Variants in SIPA1L3 observed in about 807,000 individuals in gnomAD.
The protein encoded by SIPA1L3 is signal induced proliferation associated 1 like 3.
SIPA1L3 carries 59 observed loss-of-function variants against 150.1 expected under a neutral mutation model. The ratio of observed to expected loss-of-function variants is 0.39; its 90% CI spans 0.32 to 0.49. The LOEUF is 0.49. Ranked by LOEUF, SIPA1L3 falls within the 20% of genes least tolerant of loss-of-function variation. The pLI, the probability that SIPA1L3 is intolerant of heterozygous loss-of-function variation, is 0.86. For synonymous variants in SIPA1L3, 1,070 were observed against 1,077.6 expected (o/e 0.99, Z 0.14); for missense variants, 2,211 against 2,489.5 (o/e 0.89, Z 2.38).
Position 38,082,669 on chromosome 19 carries a change from C to T in SIPA1L3, c.1104C>T (p.Thr368=), listed in dbSNP as rs140557469. 4 of 1,608,404 alleles carry T rather than the reference C, an allele frequency of 2.5e-6. No homozygotes were observed. The highest frequency in any genetic ancestry group is 3.4e-6 in the Non-Finnish European group (4 of 1,179,416). The change falls in exon 3 of 22, where the codon ACC becomes ACT. Residue 368 remains threonine (T), a synonymous_variant. Coordinates refer to ENST00000222345, the MANE Select transcript of SIPA1L3 (RefSeq NM_015073.3). ...TGTCGGTGTCGCAGCGGCGGAACAC[C>T]ACCACGGGTGCTTCGGCCGCTTCCG... The part of the protein sequence containing the change: ...NRVSVSQRRN[T]TTGASAASAA...
intron 2 of SIPA1L3, among the ~76,000 whole-genome samples, chr19:38,053,153 A>C (rs1022178323): frequency 6.6e-6 from 1 of 152,196 alleles, no homozygotes; most frequent in African/African-American, 2.4e-5. Context: ...AGGGGAGCCC[A>C]GGGGAGATGG....
intron 1 of SIPA1L3, among the ~76,000 whole-genome samples, chr19:38,003,760 G>C (rs1279894611): frequency 6.6e-6 from 1 of 152,172 alleles, no homozygotes; most frequent in African/African-American, 2.4e-5. Context: ...TCTCGGGACT[G>C]TGCCAGCGTG....
intron 1 of SIPA1L3, among the ~76,000 whole-genome samples, chr19:37,918,193 G>A (rs2046428560): frequency 6.6e-6 from 1 of 151,962 alleles, no homozygotes; most frequent in South Asian, 2.1e-4. Context: ...GGTGAGCAGG[G>A]GGACTAAGGA....
At chr19:38,089,344 A>AG (rs1970211822) in intron 4 of SIPA1L3, among the ~76,000 whole-genome samples, 1 of 151,848 alleles carries the variant, frequency 6.6e-6, no homozygotes, top group African/African-American at 2.4e-5. Context: ...AAAAAAAAAA[A>AG]AAAGAAAAAA....
chr19:38,081,883 T>C lies in SIPA1L3; in HGVS notation c.318T>C (p.Asp106=), dbSNP rs745329520. ...ACCCAAGCCCCTCCCAGGACACAGA[T>C]GGCACAAAGGCCACCAAGATGGCCC... ...HSNPSPSQDT[D]GTKATKMAHS... The change falls in exon 3 of 22, where the codon GAT becomes GAC. Residue 106 remains aspartate, a synonymous_variant. Coordinates refer to ENST00000222345, the MANE Select transcript of SIPA1L3 (RefSeq NM_015073.3). 57 of 1,613,974 alleles carry C rather than the reference T, an allele frequency of 3.5e-5. No individual in the cohort carries two copies. Among genetic ancestry groups the C allele is most frequent in the Non-Finnish European group, 4.6e-5 (54 of 1,179,996 alleles).
chr19:37,966,849 G>T (rs1483598320), intron 1 of SIPA1L3, among the ~76,000 whole-genome samples: 1 of 152,108 alleles, frequency 6.6e-6, no homozygotes, highest in Non-Finnish European at 1.5e-5. Context: ...AGCAGCTCCC[G>T]CGAGGGCAGA....
intron 1 of SIPA1L3, among the ~76,000 whole-genome samples, chr19:37,937,885 A>C (rs1352762500): frequency 6.6e-6 from 1 of 151,594 alleles, no homozygotes; most frequent in Non-Finnish European, 1.5e-5. Context: ...TCTCTACTAA[A>C]AATACAAAAA....
intron 2 of SIPA1L3, among the ~76,000 whole-genome samples, chr19:38,076,195 T>C (rs1969834280): frequency 6.6e-6 from 1 of 151,788 alleles, no homozygotes; most frequent in Non-Finnish European, 1.5e-5. Context: ...AAATAAAATG[T>C]TAGGTATGTC....
rs138338893 is a variant in SIPA1L3, at chr19:38,018,846, C to T, written c.-378-10243C>T. Reference sequence around the variant, plus strand: ...TTTGTGAGGGCAGGTACATTTTGTTCACCGTACCTAGCATCCTACCCCACA... The same window carrying T: ...TTTGTGAGGGCAGGTACATTTTGTTTACCGTACCTAGCATCCTACCCCACA... On this transcript the variant is annotated intron_variant, in intron 1 of 21. Coordinates refer to ENST00000222345, the MANE Select transcript of SIPA1L3 (RefSeq NM_015073.3). Among the ~76,000 whole-genome samples the T allele has an allele frequency of 7.9e-3, 1,209 of 152,232 alleles. 12 individuals are homozygous for T. The highest frequency in any genetic ancestry group is 9.8e-3 in the Non-Finnish European group (669 of 68,012).
chr19:38,192,758 C>A (rs1312209228), intron 17 of SIPA1L3, among the ~76,000 whole-genome samples: 3 of 152,182 alleles, frequency 2.0e-5, no homozygotes, highest in African/African-American at 7.2e-5. Flanking sequence ...CTTCCCCTCC[C>A]AGCCAGGCCT....
chr19:38,169,977 G>GT (rs1277724309), intron 15 of SIPA1L3, among the ~76,000 whole-genome samples: 2 of 151,776 alleles, frequency 1.3e-5, no homozygotes, highest in African/African-American at 4.8e-5. Context: ...AGGTAGAGGG[G>GT]CCAGGGTAAG....
In SIPA1L3 at chr19:38,081,739, C is replaced by G; in HGVS notation, c.174C>G (p.Thr58=). 1 of 1,594,672 alleles carries G rather than the reference C, an allele frequency of 6.3e-7. No homozygotes were observed. The highest frequency in any genetic ancestry group is 8.5e-7 in the Non-Finnish European group (1 of 1,172,648). The part of the protein sequence containing the change: ...QPLGESPATA[T]ATATATTRPS... ...TTGGCGAGAGCCCGGCCACCGCCAC[C>G]GCCACCGCCACCGCCACCACCCGCC... is the stretch of plus-strand genomic sequence containing the variant. Residue 58 remains threonine, a synonymous_variant, in exon 3 of 22, where the codon ACC becomes ACG. Transcript: ENST00000222345.
intron 1 of SIPA1L3, among the ~76,000 whole-genome samples, chr19:38,009,645 G>C (rs1968051764): frequency 6.6e-6 from 1 of 152,054 alleles, no homozygotes; most frequent in Non-Finnish European, 1.5e-5. Flanking sequence ...CCATGTTACT[G>C]ATGAGGAGGC....
intron 7 of SIPA1L3, among the ~76,000 whole-genome samples, chr19:38,109,106 G>A (rs571969489): frequency 6.6e-6 from 1 of 152,282 alleles, no homozygotes; most frequent in East Asian, 1.9e-4. Context: ...GACCAGCAGG[G>A]GAGAGGTGTA....
In SIPA1L3 at chr19:38,082,873, C is replaced by T. The variant is rs1435620078; in HGVS notation, c.1308C>T (p.Gly436=). 2 of 1,613,404 alleles carry T rather than the reference C, an allele frequency of 1.2e-6. No individual in the cohort carries two copies. Among genetic ancestry groups the T allele is most frequent in the East Asian group, 2.2e-5 (1 of 44,872 alleles). ...CGCACTTCCGCAATGAGATCGGGGG[C>T]GAGTGTGAGCGCAACGTGAGCTTCT... The part of the protein sequence containing the change: ...SCPHFRNEIG[G]ECERNVSFSR... Residue 436 remains glycine, a synonymous_variant, in exon 3 of 22, where the codon GGC becomes GGT. Coordinates refer to ENST00000222345, the MANE Select transcript of SIPA1L3 (RefSeq NM_015073.3).
At chr19:38,106,810 G>A (rs1189953022) in intron 7 of SIPA1L3, among the ~76,000 whole-genome samples, 170 bp downstream of exon 7, 1 of 152,232 alleles carries the variant, frequency 6.6e-6, no homozygotes, top group East Asian at 1.9e-4. Flanking sequence ...TGTGGTTCGA[G>A]ATGTCACTTT....
At chr19:38,170,343 C>G (rs547203550) in intron 15 of SIPA1L3, among the ~76,000 whole-genome samples, 2 of 152,228 alleles carry the variant, frequency 1.3e-5, no homozygotes, top group Admixed American at 1.3e-4. Flanking sequence ...AGTGGCCACA[C>G]GTGCCTCTGC....
intron 2 of SIPA1L3, among the ~76,000 whole-genome samples, chr19:38,063,710 C>T (rs895412269): frequency 6.6e-6 from 1 of 152,284 alleles, no homozygotes; most frequent in South Asian, 2.1e-4. Context: ...CAGTGGCCCA[C>T]GGGAGCAGGC....
intron 15 of SIPA1L3, among the ~76,000 whole-genome samples, chr19:38,174,281 C>T (rs572261469): frequency 2.0e-5 from 3 of 152,304 alleles, no homozygotes; most frequent in African/African-American, 4.8e-5. Context: ...TGGCTGCTTA[C>T]GGCTCCTACA....
Sources: gnomAD v4.1 joint callset for allele counts (sites outside exome capture counted in the v4.1 genomes callset) on GRCh38, gnomAD v4.1.1 for gene constraint, MANE v1.5 for transcripts, NCBI Gene and HGNC (gene_info 2026-07-23, HGNC 2026-07-21) for gene names.